The following OPN5 variants were observed in gnomAD, a reference collection of about 807,000 sequenced individuals.
The protein encoded by OPN5 is opsin-5.
A neutral mutation model predicts 41.7 loss-of-function variants in OPN5; 18 were observed. That is an observed-to-expected ratio of 0.43 (90% CI 0.30 to 0.64). The LOEUF (loss-of-function observed/expected upper bound fraction) is 0.64, where lower values mean the gene tolerates loss of function less well. OPN5 is among the 30% of genes least tolerant of loss of function. The probability of loss-of-function intolerance (pLI) is 0.13; values close to 1 mark genes in which losing one functional copy is unlikely to be tolerated. For missense variants in OPN5, 318 were observed against 434.5 expected, an observed-to-expected ratio of 0.73 and a Z score of 2.38; for synonymous variants, 178 against 164.3, an observed-to-expected ratio of 1.08 and a Z score of -0.64.
rs1028299408 is a variant in OPN5 at position 47,807,851 on chromosome 6, G to T, written c.757-303G>T. Among the ~76,000 whole-genome samples the T allele has an allele frequency of 4.6e-5, 7 of 151,486 alleles. No individual in the cohort carries two copies. In the South Asian group the frequency reaches 1.5e-3, roughly 32 times the overall value. ...AAGTCCAGAAATATTATGATTTCCTGCTCCATGGAGTCATAATCTGACAGC... is the reference window on the plus strand; with the variant it reads ...AAGTCCAGAAATATTATGATTTCCTTCTCCATGGAGTCATAATCTGACAGC... On this transcript the variant is annotated intron_variant, in intron 4 of 6. Transcript: ENST00000371211.
In OPN5 at chr6:47,810,300, G is replaced by A. The variant is rs191023675; in HGVS notation, c.999-1374G>A. Among the ~76,000 whole-genome samples, 17 of 152,316 alleles carry A rather than the reference G, an allele frequency of 1.1e-4. No homozygotes were observed. In the East Asian group the frequency reaches 2.5e-3, roughly 22 times the overall value. On this transcript the variant is annotated intron_variant, in intron 5 of 6. Transcript: ENST00000371211. The stretch of plus-strand genomic sequence containing the variant: ...GTGGAAGGAATGCTGAAGAGATATT[G>A]AGTCGTAGATTTTAGAAGGGGCTGC...
At chr6:47,799,378 C>T (rs1306297338) in intron 4 of OPN5, among the ~76,000 whole-genome samples, 1 of 152,114 alleles carries the variant, frequency 6.6e-6, no homozygotes, top group Admixed American at 6.6e-5. Flanking sequence ...TCAGTAATTT[C>T]TCTCTTCTTC....
chr6:47,822,946 C>T (rs920672077), intron 6 of OPN5, among the ~76,000 whole-genome samples: 1 of 152,166 alleles, frequency 6.6e-6, no homozygotes, highest in African/African-American at 2.4e-5. Flanking sequence ...CTCCTGTTTT[C>T]AAAGGACACA....
chr6:47,811,869 G>A (rs1718325603), intron 6 of OPN5, 138 bp downstream of exon 6: 2 of 499,554 alleles, frequency 4.0e-6, no homozygotes, highest in African/African-American at 1.9e-5. Flanking sequence ...CCTCAAGCCA[G>A]GGGTTGCTGG....
chr6:47,815,812 T>C (rs1159439544), intron 6 of OPN5, among the ~76,000 whole-genome samples: 1 of 152,158 alleles, frequency 6.6e-6, no homozygotes, highest in African/African-American at 2.4e-5. Context: ...CCCTCTATGA[T>C]TTTTAAATGA....
At chr6:47,815,279 A>G (rs978713537) in intron 6 of OPN5, among the ~76,000 whole-genome samples, 4 of 152,148 alleles carry the variant, frequency 2.6e-5, no homozygotes, top group Non-Finnish European at 4.4e-5. Context: ...AACTACAAAA[A>G]TCTATCTCAT....
intron 4 of OPN5, among the ~76,000 whole-genome samples, chr6:47,803,290 C>G (rs1773844902): frequency 6.6e-6 from 1 of 152,200 alleles, no homozygotes; most frequent in Non-Finnish European, 1.5e-5. Flanking sequence ...CTGCTTGCCA[C>G]TGGTAGAATC....
At chr6:47,797,938 C>T (rs1342253408) in intron 4 of OPN5, among the ~76,000 whole-genome samples, 2 of 152,142 alleles carry the variant, frequency 1.3e-5, no homozygotes, top group Admixed American at 6.5e-5. Context: ...GTCAATGCTT[C>T]TGGAACTCAT....
exon 5 of OPN5, chr6:47,808,309 C>T (rs1774054265): frequency 2.5e-6 from 4 of 1,613,894 alleles, no homozygotes; most frequent in Non-Finnish European, 3.4e-6. Context: ...ACAATCCCAT[C>T]ATTTACCAAG....
intron 6 of OPN5, among the ~76,000 whole-genome samples, chr6:47,812,603 AAGG>A (rs1291041524): frequency 1.3e-5 from 2 of 152,114 alleles, no homozygotes; most frequent in Non-Finnish European, 2.9e-5. Flanking sequence ...AAGCTTCTGA[AAGG>A]AGAAGGCACG....
chr6:47,807,573 C>T (rs1403263915), intron 4 of OPN5, among the ~76,000 whole-genome samples: 1 of 152,154 alleles, frequency 6.6e-6, no homozygotes, highest in African/African-American at 2.4e-5. Context: ...TTGTTCCATA[C>T]AACTATGCCA....
chr6:47,788,804 C>A (rs1437379198), intron 2 of OPN5, among the ~76,000 whole-genome samples: 1 of 2,994 alleles, frequency 3.3e-4, no homozygotes, highest in African/African-American at 5.9e-4. Flanking sequence ...TTAGGATAAC[C>A]TGGGGGGGGG....
In OPN5 at chr6:47,811,740, A is replaced by T. The variant is rs188319413; in HGVS notation, c.1056+9A>T. The T allele has an allele frequency of 8.6e-5, 138 of 1,597,674 alleles. No individual in the cohort carries two copies. The Admixed American group carries it at 2.1e-3, about 25-fold the overall frequency. Reference sequence around the variant, plus strand: ...TGGAAATTCATGAAGAGGTATGAAGATGGATACAGCATCACTATGGACACT... The same window carrying T: ...TGGAAATTCATGAAGAGGTATGAAGTTGGATACAGCATCACTATGGACACT... On this transcript the variant is annotated intron_variant, in intron 6 of 6. Transcript: ENST00000371211.
At chr6:47,787,344 T>C (rs9296582) in intron 2 of OPN5, 43,074 of 169,060 alleles carry the variant, frequency 0.25, 5,716 homozygotes, top group African/African-American at 0.29. Context: ...TCTAATAACA[T>C]GGCAAGGAGT....
Position 47,808,021 on chromosome 6 carries a change from C to T in OPN5, c.757-133C>T, listed in dbSNP as rs1774042369. On this transcript the variant is annotated intron_variant, in intron 4 of 6. Coordinates refer to ENST00000371211, the Ensembl canonical transcript of OPN5. Reference sequence around the variant, plus strand: ...GTCCATATGAAATGATTCCTATGTACAAAGTAAATGAAAACAATGACAGAC... The same window carrying T: ...GTCCATATGAAATGATTCCTATGTATAAAGTAAATGAAAACAATGACAGAC... 3.6e-6 allele frequency: 3 copies of T among 840,278 alleles called. No individual in the cohort carries two copies. The South Asian group carries it at 4.8e-5, about 13-fold the overall frequency. 52.1% of individuals were successfully genotyped at this position (840,278 alleles called of 1,614,324 possible).
intron 2 of OPN5, among the ~76,000 whole-genome samples, chr6:47,788,466 G>T (rs902959997): frequency 1.3e-5 from 2 of 152,122 alleles, no homozygotes; most frequent in African/African-American, 4.8e-5. Flanking sequence ...GCTCTAGAAT[G>T]GTGCAAACCA....
chr6:47,786,497 T>G lies in OPN5; in HGVS notation c.131-18T>G. ...AAATCTTAGTTTTAACGATTGGAAT[T>G]TTTATTTTTCCTTGTAGGGATTCTG... is the stretch of plus-strand genomic sequence containing the variant. On this transcript the variant is annotated intron_variant, in intron 1 of 6. Coordinates refer to ENST00000371211, the Ensembl canonical transcript of OPN5. 6.3e-7 allele frequency: 1 copy of G among 1,596,760 alleles called. No homozygotes were observed. Among genetic ancestry groups the G allele is most frequent in the Non-Finnish European group, 8.5e-7 (1 of 1,169,950 alleles).
chr6:47,790,552 T>C (rs1421474596), intron 2 of OPN5, among the ~76,000 whole-genome samples: 1 of 152,216 alleles, frequency 6.6e-6, no homozygotes, highest in Non-Finnish European at 1.5e-5. Context: ...TACTCAACTT[T>C]CTGGGGTTTC....
intron 4 of OPN5, among the ~76,000 whole-genome samples, chr6:47,796,640 C>T (rs774724030): frequency 1.9e-4 from 29 of 152,220 alleles, no homozygotes; most frequent in Non-Finnish European, 3.7e-4. Flanking sequence ...ATCCTACCCT[C>T]GAGTATTCTC....
Sources: allele counts gnomAD v4.1 joint callset (sites outside exome capture counted in the v4.1 genomes callset), GRCh38; gene constraint gnomAD v4.1.1; transcripts MANE v1.5; gene names NCBI Gene and HGNC (gene_info 2026-07-23, HGNC 2026-07-21).